The following ABCA5 variants were observed in gnomAD, a reference collection of about 807,000 sequenced individuals.
ABCA5 encodes ATP binding cassette subfamily A member 5.
ABCA5 carries 163 observed loss-of-function variants against 206.0 expected under a neutral mutation model. The ratio of observed to expected loss-of-function variants is 0.79; its 90% CI spans 0.70 to 0.90. ABCA5 has a LOEUF of 0.90. ABCA5 is among the 40% of genes least tolerant of loss of function. The pLI is 0.00. For synonymous variants in ABCA5, 609 were observed against 613.8 expected (o/e 0.99, Z 0.11); for missense variants, 1,859 against 1,912.9 (o/e 0.97, Z 0.53).
intron 2 of ABCA5, 55 bp from the exon 3 acceptor site, chr17:69,313,351 T>C: frequency 1.2e-6 from 1 of 829,288 alleles, no homozygotes; most frequent in South Asian, 2.0e-5. Context: ...GCAAAAATCA[T>C]CAAGATTTCT....
Position 69,286,049 on chromosome 17 carries a change from C to G in ABCA5, c.2133-12G>C. The stretch of plus-strand genomic sequence containing the variant: ...TGTCTATGTACATGCTAGAGAATAC[C>G]AAAAATCACAATTAATGATTATACA... On this transcript the variant is annotated splice_polypyrimidine_tract_variant and intron_variant, in intron 16 of 38. Coordinates refer to ENST00000392676, the MANE Select transcript of ABCA5 (RefSeq NM_172232.4). The G allele has an allele frequency of 6.3e-7, 1 of 1,594,590 alleles. No homozygotes were observed. Among genetic ancestry groups the G allele is most frequent in the South Asian group, 1.1e-5 (1 of 87,170 alleles).
intron 10 of ABCA5, among the ~76,000 whole-genome samples, chr17:69,295,283 C>T (rs2075573482): frequency 6.6e-6 from 1 of 152,146 alleles, no homozygotes; most frequent in South Asian, 2.1e-4. Context: ...AATGTCATGA[C>T]CTTTCTCTGC....
chr17:69,246,701 G>A lies in ABCA5; in HGVS notation c.*836C>T, dbSNP rs1473234203. 1 of 151,804 alleles carries A rather than the reference G, an allele frequency of 6.6e-6. No homozygotes were observed. Among genetic ancestry groups the A allele is most frequent in the Non-Finnish European group, 1.5e-5 (1 of 67,780 alleles). 9.4% of individuals were successfully genotyped at this position (151,804 alleles called of 1,614,324 possible). On this transcript the variant is annotated 3_prime_UTR_variant, in exon 39 of 39. Transcript: ENST00000392676. ...ACAAAATTAAATGTGCCCTTTGCAA[G>A]GAAGATGACAAAAAATTTATATGTT...
chr17:69,249,742 TC>T, intron 37 of ABCA5, 162 bp downstream of exon 37: 1 of 858,012 alleles, frequency 1.2e-6, no homozygotes, highest in Non-Finnish European at 1.7e-6. Flanking sequence ...ATAAACCGAG[TC>T]CCCAGTTTTA....
Position 69,290,078 on chromosome 17 carries a change from T to C in ABCA5, c.1607-41A>G. 2.3e-6 allele frequency: 3 copies of C among 1,308,204 alleles called. No homozygotes were observed. In the African/African-American group the frequency reaches 4.5e-5, roughly 20 times the overall value. 81.0% of individuals were successfully genotyped at this position (1,308,204 alleles called of 1,614,324 possible). On this transcript the variant is annotated intron_variant, in intron 12 of 38. Transcript: ENST00000392676. Reference sequence around the variant, plus strand: ...ATATTTAAATGTACATTAATTATTTTATAATGTGTATGTTTTCAAGTATCC... The same window carrying C: ...ATATTTAAATGTACATTAATTATTTCATAATGTGTATGTTTTCAAGTATCC...
rs2075263030 is a variant in ABCA5 at position 69,270,700 on chromosome 17, A to C, written c.2943T>G (p.Pro981=). 2.5e-6 allele frequency: 4 copies of C among 1,600,388 alleles called. No homozygotes were observed. Among genetic ancestry groups the C allele is most frequent in the Non-Finnish European group, 3.4e-6 (4 of 1,174,700 alleles). ...AGTTACTAATGATATTCACTAATAT[A>C]GGTAAAGAATAAACCATAGTACTGT... ...VFNSTMVYSL[P]ILVNIISNYY... is the part of the protein sequence containing the mutation. The change falls in exon 22 of 39, where the codon CCT becomes CCG. Residue 981 remains proline, a synonymous_variant. Coordinates refer to ENST00000392676, the MANE Select transcript of ABCA5 (RefSeq NM_172232.4).
At chr17:69,293,467 G>C (rs2075549798) in intron 11 of ABCA5, among the ~76,000 whole-genome samples, 1 of 152,090 alleles carries the variant, frequency 6.6e-6, no homozygotes. Flanking sequence ...CCCTGGCTAG[G>C]CTATGGTGCC....
Position 69,314,436 on chromosome 17 carries a change from A to G in ABCA5, c.-15-6T>C. On this transcript the variant is annotated splice_region_variant and splice_polypyrimidine_tract_variant and intron_variant, in intron 1 of 38. Transcript: ENST00000392676. The stretch of plus-strand genomic sequence containing the variant: ...GACATGTTTTCTGAATAAACCTATT[A>G]AAGAGGAAAAACAAACAAACAAACC... 1 of 1,550,958 alleles carries G rather than the reference A, an allele frequency of 6.4e-7. No individual in the cohort carries two copies. The highest frequency in any genetic ancestry group is 8.9e-7 in the Non-Finnish European group (1 of 1,129,832).
Position 69,303,853 on chromosome 17 carries a change from T to TATATACATACATATATATAC in ABCA5, c.930+815_930+816insGTATATATATGTATGTATAT, listed in dbSNP as rs1555584175. 4.4e-3 allele frequency among the ~76,000 whole-genome samples: 137 copies of TATATACATACATATATATAC among 31,192 alleles called. 22 individuals are homozygous for TATATACATACATATATATAC. The highest frequency in any genetic ancestry group is 0.013 in the Admixed American group (22 of 1,662). 20.5% of individuals were successfully genotyped at this position (31,192 alleles called of 152,430 possible). A position where few individuals can be genotyped will look rare whatever the true frequency, so the allele number is the denominator to read the frequency against. ...ATATATATATATACATACATATATATATGTATATATATATATACATATATA... is the reference window on the plus strand; with the variant it reads ...ATATATATATATACATACATATATATATATACATACATATATATACATGTATATATATATATACATATATA... On this transcript the variant is annotated intron_variant, in intron 7 of 38. Transcript: ENST00000392676.
At position 69,326,122 on chromosome 17, in the gene ABCA5, A is replaced by T. The variant is rs371871056; in HGVS notation, c.-16+930T>A. Among the ~76,000 whole-genome samples, 28 of 152,126 alleles carry T rather than the reference A, an allele frequency of 1.8e-4. No individual in the cohort carries two copies. In the East Asian group the frequency reaches 2.3e-3, roughly 13 times the overall value. ...GTCTGGCAGCCCGGGTTGGAATCTC[A>T]ACTCCATCCTTTTACTAGCTGAGAC... is the stretch of plus-strand genomic sequence containing the variant. On this transcript the variant is annotated intron_variant, in intron 1 of 38. Transcript: ENST00000392676. This position sits in a 1 kb window ranked among gnomAD's most constrained non-coding sequence, Gnocchi z 4.8.
At chr17:69,273,688 T>C (rs985947612) in intron 20 of ABCA5, among the ~76,000 whole-genome samples, 1 of 152,020 alleles carries the variant, frequency 6.6e-6, no homozygotes, top group African/African-American at 2.4e-5. Flanking sequence ...TCCCCTGACC[T>C]CAGGTGATCC....
At chr17:69,320,747 C>T (rs1266487144) in intron 1 of ABCA5, among the ~76,000 whole-genome samples, 1 of 152,196 alleles carries the variant, frequency 6.6e-6, no homozygotes, top group East Asian at 1.9e-4. Context: ...TCCTCTTTGC[C>T]TGCTGCATCC....
Position 69,287,732 on chromosome 17 carries a change from G to A in ABCA5, c.1922C>T (p.Pro641Leu). 2.5e-6 allele frequency: 4 copies of A among 1,613,190 alleles called. No individual in the cohort carries two copies. The South Asian group carries it at 3.3e-5, about 13-fold the overall frequency. Residue 641 changes from proline (P) to leucine (L), a missense_variant, in exon 15 of 39, where the codon CCA becomes CTA. Transcript: ENST00000392676. The part of the protein sequence containing the change: ...GNPKILLLDE[P>L]TAGMDPCSRH... ...AGAACAGGGGTCCATTCCAGCTGTT[G>A]GTTCATCTAGCAGCAGTATCTGTGT...
chr17:69,249,845 G>C (rs1231310068), intron 37 of ABCA5, 60 bp downstream of exon 37: 2 of 1,488,012 alleles, frequency 1.3e-6, no homozygotes, highest in Non-Finnish European at 1.8e-6. Context: ...AAAAGATTGT[G>C]AAAGGGACTG....
chr17:69,254,459 C>T lies in ABCA5; in HGVS notation c.4100G>A (p.Ser1367Asn). The stretch of plus-strand genomic sequence containing the variant: ...ACACTTCAGTGAATCATCATCTTCA[C>T]TTGTCTCTGAAGAATAATCTCCTAA... ...VFLGDYSSET[S>N]EDDDSLKCMG... The change falls in exon 32 of 39, where the codon AGT (serine) becomes AAT (asparagine). Residue 1367 changes from serine (S) to asparagine (N), a missense_variant. Ser to Asn is a conservative substitution (Grantham distance 46). Transcript: ENST00000392676. 3 of 1,611,832 alleles carry T rather than the reference C, an allele frequency of 1.9e-6. No homozygotes were observed. Among genetic ancestry groups the T allele is most frequent in the African/African-American group, 1.3e-5 (1 of 74,910 alleles).
chr17:69,314,227 T>C, intron 2 of ABCA5, 87 bp downstream of exon 2: 6 of 597,826 alleles, frequency 1.0e-5, no homozygotes, highest in Non-Finnish European at 1.6e-5. Flanking sequence ...TAAAAATATA[T>C]TTAGCAAAAT....
At chr17:69,257,723 G>GA (rs1485086061) in intron 28 of ABCA5, among the ~76,000 whole-genome samples, 1 of 149,684 alleles carries the variant, frequency 6.7e-6, no homozygotes, top group Non-Finnish European at 1.5e-5. Context: ...GAGAAAAAGA[G>GA]AAAAAAATAC....
intron 11 of ABCA5, among the ~76,000 whole-genome samples, chr17:69,293,853 TGTGTGTGTGTGTGTGTGTGC>T (rs1304543433): frequency 9.9e-4 from 108 of 108,960 alleles, no homozygotes; most frequent in Middle Eastern, 9.1e-3. Flanking sequence ...TGTGTGTGTG[TGTGTGTGTGTGTGTGTGTGC>T]GTGTGTGTGT....
At chr17:69,292,587 A>T (rs1283830996) in intron 11 of ABCA5, among the ~76,000 whole-genome samples, 1 of 152,104 alleles carries the variant, frequency 6.6e-6, no homozygotes, top group East Asian at 1.9e-4. Context: ...GATGCCTTTT[A>T]TTTCATTCTC....
Sources: gnomAD v4.1 joint callset for allele counts (sites outside exome capture counted in the v4.1 genomes callset) on GRCh38, gnomAD v4.1.1 for gene constraint, Gnocchi (gnomAD v3.1) non-coding constraint, MANE v1.5 for transcripts, NCBI Gene and HGNC (gene_info 2026-07-23, HGNC 2026-07-21) for gene names.